Variants in CACNG2 observed in about 807,000 individuals in gnomAD.
The protein encoded by CACNG2 is voltage-dependent calcium channel gamma-2 subunit.
In CACNG2, 3 loss-of-function variants were observed where a neutral mutation model predicts 25.9. The ratio of observed to expected loss-of-function variants is 0.12; its 90% CI spans 0.05 to 0.30. The LOEUF is 0.30. Among genes scored for constraint, CACNG2 ranks in the 10% least tolerant of loss-of-function variants. CACNG2 has a pLI of 1.00. For missense variants in CACNG2, 341 were observed against 432.5 expected, an observed-to-expected ratio of 0.79 and a Z score of 1.88; for synonymous variants, 167 against 173.3, an observed-to-expected ratio of 0.96 and a Z score of 0.29.
intron 1 of CACNG2, among the ~76,000 whole-genome samples, chr22:36,675,841 A>G (rs1937012696): frequency 6.6e-6 from 1 of 152,244 alleles, no homozygotes; most frequent in African/African-American, 2.4e-5. Context: ...AAGTACTACC[A>G]CTAGTGACAG....
At chr22:36,650,038 C>G (rs954078003) in intron 1 of CACNG2, among the ~76,000 whole-genome samples, 1 of 152,242 alleles carries the variant, frequency 6.6e-6, no homozygotes, top group African/African-American at 2.4e-5. Context: ...ACACCACCAC[C>G]AACTCCTGCC....
rs192455386 is a variant in CACNG2, at chr22:36,576,968, C to T, written c.296-10475G>A. 2.9e-4 allele frequency among the ~76,000 whole-genome samples: 44 copies of T among 152,302 alleles called. No individual in the cohort carries two copies. The East Asian group carries it at 4.2e-3, about 15-fold the overall frequency. ...GCTAACTTGGGGAGTACCATCTGTG[C>T]AGGATGCCGGATACATCCCTGCTTC... is the stretch of plus-strand genomic sequence containing the variant. On this transcript the variant is annotated intron_variant, in intron 2 of 3. Coordinates refer to ENST00000300105, the MANE Select transcript of CACNG2 (RefSeq NM_006078.5).
At chr22:36,687,943 G>C (rs1167030891) in intron 1 of CACNG2, among the ~76,000 whole-genome samples, 2 of 152,234 alleles carry the variant, frequency 1.3e-5, no homozygotes, top group Non-Finnish European at 2.9e-5. Context: ...TTCTAGCCCA[G>C]TGAGACCCAG....
intron 1 of CACNG2, among the ~76,000 whole-genome samples, chr22:36,632,532 A>G (rs1191508724): frequency 7.0e-6 from 1 of 143,312 alleles, no homozygotes; most frequent in Non-Finnish European, 1.5e-5. Context: ...TCTCTCTCCC[A>G]TTAGTATTTC....
intron 1 of CACNG2, among the ~76,000 whole-genome samples, chr22:36,601,762 C>T (rs1170318493): frequency 1.3e-5 from 2 of 152,170 alleles, no homozygotes. Context: ...AGATTACAAG[C>T]GTGAGCCACT....
intron 1 of CACNG2, among the ~76,000 whole-genome samples, chr22:36,610,771 C>G (rs1328285806): frequency 6.6e-6 from 1 of 152,126 alleles, no homozygotes; most frequent in African/African-American, 2.4e-5. Flanking sequence ...TCAGCGAAGA[C>G]CAAGGTCAGG....
chr22:36,604,229 T>C (rs991742226), intron 1 of CACNG2, among the ~76,000 whole-genome samples: 2 of 152,200 alleles, frequency 1.3e-5, no homozygotes, highest in Non-Finnish European at 2.9e-5. Flanking sequence ...AGCCTGAAGA[T>C]GTGAGTGAAT....
chr22:36,581,588 G>A (rs548060260), intron 2 of CACNG2, among the ~76,000 whole-genome samples: 1 of 152,106 alleles, frequency 6.6e-6, no homozygotes, highest in Non-Finnish European at 1.5e-5. Context: ...GGTGTAGCAA[G>A]GATGGTGGGA....
chr22:36,564,349 C>T lies in CACNG2; in HGVS notation c.*2G>A, dbSNP rs1479369715. On this transcript the variant is annotated 3_prime_UTR_variant, in exon 4 of 4. Transcript: ENST00000300105. The surrounding 1 kb of genome is among the most constrained non-coding windows in gnomAD (Gnocchi z 6.7). ...GCGGTCTTCTGGCGAGGCCCGCGGT[C>T]TTTATACGGGGGTGGTCCGGCGGTT... 6.2e-7 allele frequency: 1 copy of T among 1,612,610 alleles called. No individual in the cohort carries two copies. Among genetic ancestry groups the T allele is most frequent in the Non-Finnish European group, 8.5e-7 (1 of 1,179,446 alleles).
chr22:36,671,593 C>T (rs1936950588), intron 1 of CACNG2, among the ~76,000 whole-genome samples: 1 of 152,202 alleles, frequency 6.6e-6, no homozygotes, highest in South Asian at 2.1e-4. Context: ...CATTCTTTTG[C>T]AAAGCACTGA....
intron 1 of CACNG2, among the ~76,000 whole-genome samples, chr22:36,593,226 C>T (rs1232200938): frequency 2.0e-5 from 3 of 152,168 alleles, no homozygotes; most frequent in Non-Finnish European, 4.4e-5. Flanking sequence ...GAGGCAGCAC[C>T]GGCACATCAG....
At chr22:36,663,853 G>A (rs1411754919) in intron 1 of CACNG2, among the ~76,000 whole-genome samples, 2 of 152,170 alleles carry the variant, frequency 1.3e-5, no homozygotes, top group Admixed American at 6.5e-5. Flanking sequence ...CACAGGCCTC[G>A]ATCACATGGG....
At chr22:36,679,133 TCTCC>T (rs939191719) in intron 1 of CACNG2, among the ~76,000 whole-genome samples, 4 of 149,104 alleles carry the variant, frequency 2.7e-5, no homozygotes, top group East Asian at 2.0e-4. Flanking sequence ...TTTTGGATTT[TCTCC>T]CTTCCTTCCT....
At chr22:36,576,356 T>G (rs1236447902) in intron 2 of CACNG2, among the ~76,000 whole-genome samples, 1 of 152,058 alleles carries the variant, frequency 6.6e-6, no homozygotes, top group Non-Finnish European at 1.5e-5. Flanking sequence ...AATGATAGAA[T>G]GGACTCTGGG....
In CACNG2 at chr22:36,606,574, G is replaced by C; in HGVS notation, c.212-19026C>G. Among the ~76,000 whole-genome samples the C allele has an allele frequency of 6.6e-6, 1 of 152,032 alleles. No homozygotes were observed. Among genetic ancestry groups the C allele is most frequent in the East Asian group, 1.9e-4 (1 of 5,198 alleles). On this transcript the variant is annotated intron_variant, in intron 1 of 3. Coordinates refer to ENST00000300105, the MANE Select transcript of CACNG2 (RefSeq NM_006078.5). This position sits in a 1 kb window ranked among gnomAD's most constrained non-coding sequence, Gnocchi z 5.7. Reference sequence around the variant, plus strand: ...TAATCTGGGTACTGGCAGGTTGTCAGGAAGGCTTCCTGGAAGAAGCACCAT... The same window carrying C: ...TAATCTGGGTACTGGCAGGTTGTCACGAAGGCTTCCTGGAAGAAGCACCAT...
At chr22:36,617,442 C>T (rs530789598) in intron 1 of CACNG2, among the ~76,000 whole-genome samples, 2 of 152,006 alleles carry the variant, frequency 1.3e-5, no homozygotes, top group South Asian at 2.1e-4. Flanking sequence ...AGGAAGTATA[C>T]CAGCTTTTGG....
At chr22:36,582,946 C>T (rs534233635) in intron 2 of CACNG2, among the ~76,000 whole-genome samples, 88 of 152,144 alleles carry the variant, frequency 5.8e-4, no homozygotes, top group Middle Eastern at 6.8e-3. Context: ...CTCACACTTA[C>T]AAGTGAAGGA....
intron 2 of CACNG2, among the ~76,000 whole-genome samples, chr22:36,566,722 G>A (rs1369167661): frequency 2.0e-5 from 3 of 152,162 alleles, no homozygotes; most frequent in South Asian, 2.1e-4. Context: ...CCAGCACACC[G>A]TCAGGCACAC....
chr22:36,700,718 A>G (rs773963059), intron 1 of CACNG2, among the ~76,000 whole-genome samples: 10 of 152,142 alleles, frequency 6.6e-5, no homozygotes, highest in Non-Finnish European at 1.2e-4. Flanking sequence ...ATGTGTTTAA[A>G]ACAGTCCCTA....
Sources: gnomAD v4.1 joint callset for allele counts (sites outside exome capture counted in the v4.1 genomes callset) on GRCh38, gnomAD v4.1.1 for gene constraint, Gnocchi (gnomAD v3.1) non-coding constraint, MANE v1.5 for transcripts, NCBI Gene and HGNC (gene_info 2026-07-23, HGNC 2026-07-21) for gene names.